Variants in CSDE1 observed in about 807,000 individuals in gnomAD.
CSDE1 encodes cold shock domain containing E1, also known as cold shock domain-containing protein E1.
CSDE1 carries 17 observed loss-of-function variants against 89.3 expected under a neutral mutation model. That is an observed-to-expected ratio of 0.19 (90% confidence interval 0.13 to 0.29). The LOEUF (loss-of-function observed/expected upper bound fraction) is 0.29. Ranked by LOEUF, CSDE1 falls within the 10% of genes least tolerant of loss-of-function variation. CSDE1 has a pLI of 1.00. For missense variants in CSDE1, 672 were observed against 984.2 expected (o/e 0.68, Z 4.24); for synonymous variants, 322 against 332.8 (o/e 0.97, Z 0.35).
chr1:114,730,672 C>A lies in CSDE1; in HGVS notation c.1051-24G>T, dbSNP rs754562922. Reference sequence around the variant, plus strand: ...CCCTGAAACCCAAATAATATTTTCACTGGCTGTGAAACTTGTCAAGAAGGC... The same window carrying A: ...CCCTGAAACCCAAATAATATTTTCAATGGCTGTGAAACTTGTCAAGAAGGC... On this transcript the variant is annotated intron_variant, in intron 10 of 19. Transcript: ENST00000358528. The A allele has an allele frequency of 3.1e-6, 5 of 1,610,322 alleles. No homozygotes were observed. In the African/African-American group the frequency reaches 6.7e-5, roughly 22 times the overall value.
intron 16 of CSDE1, among the ~76,000 whole-genome samples, chr1:114,723,481 AG>A (rs987473496): frequency 2.0e-5 from 3 of 152,298 alleles, no homozygotes; most frequent in South Asian, 4.1e-4. Context: ...TGTGTAGTGT[AG>A]GGGGGAAAAA....
chr1:114,724,082 G>C (rs1440319562), intron 15 of CSDE1, 80 bp from the exon 16 acceptor site: 2 of 1,483,556 alleles, frequency 1.3e-6, no homozygotes, highest in Non-Finnish European at 1.8e-6. Flanking sequence ...AAAAATAACA[G>C]CACAAATGTT....
intron 1 of CSDE1, among the ~76,000 whole-genome samples, chr1:114,755,680 A>C (rs1661557885): frequency 6.6e-6 from 1 of 152,252 alleles, no homozygotes; most frequent in Admixed American, 6.5e-5. Context: ...TAAAGCTTAC[A>C]AAATAGATCT....
intron 1 of CSDE1, among the ~76,000 whole-genome samples, chr1:114,756,358 G>A (rs1661596523): frequency 6.6e-6 from 1 of 152,058 alleles, no homozygotes; most frequent in South Asian, 2.1e-4. Context: ...ATTTATCTAA[G>A]TTTTATGACT....
chr1:114,736,661 G>C lies in CSDE1; in HGVS notation c.500+97C>G, dbSNP rs973681309. 11 of 696,150 alleles carry C rather than the reference G, an allele frequency of 1.6e-5. No homozygotes were observed. In the African/African-American group the frequency reaches 1.6e-4, roughly 10 times the overall value. The allele number at this position is 696,150 out of a possible 1,614,324, so 43.1% of individuals were successfully genotyped here. ...ATTGAAAGTTCATGAAAACTATCCA[G>C]ACTTACAAGTTAGGTTTTTAACTCT... On this transcript the variant is annotated intron_variant, in intron 6 of 19. Coordinates refer to ENST00000358528, the MANE Select transcript of CSDE1 (RefSeq NM_001007553.3).
At chr1:114,740,648 T>A (rs77021112) in intron 2 of CSDE1, among the ~76,000 whole-genome samples, 3 of 152,206 alleles carry the variant, frequency 2.0e-5, no homozygotes, top group Non-Finnish European at 4.4e-5. Flanking sequence ...TTTAGTGAAA[T>A]AGGAGCTATT....
At chr1:114,740,529 A>T (rs1660668807) in intron 2 of CSDE1, among the ~76,000 whole-genome samples, 1 of 152,258 alleles carries the variant, frequency 6.6e-6, no homozygotes, top group African/African-American at 2.4e-5. Context: ...TTTCCATTTT[A>T]AAAATGCTGA....
intron 12 of CSDE1, 23 bp from the exon 13 acceptor site, chr1:114,727,113 AGAAT>A: frequency 6.6e-7 from 1 of 1,517,924 alleles, no homozygotes; most frequent in Non-Finnish European, 9.1e-7. Context: ...AGTCAAAAAC[AGAAT>A]GAAAACAATC....
chr1:114,742,753 T>C (rs921425372), intron 2 of CSDE1, among the ~76,000 whole-genome samples: 2 of 152,184 alleles, frequency 1.3e-5, no homozygotes, highest in African/African-American at 4.8e-5. Flanking sequence ...ATGGTAAGTA[T>C]GCCAAACAGT....
intron 1 of CSDE1, among the ~76,000 whole-genome samples, chr1:114,755,154 A>G (rs1661522825): frequency 6.6e-6 from 1 of 152,206 alleles, no homozygotes; most frequent in African/African-American, 2.4e-5. Flanking sequence ...ATCACAGCAC[A>G]TTTCAATTCA....
At chr1:114,749,357 T>C (rs4140445) in intron 2 of CSDE1, among the ~76,000 whole-genome samples, 116,315 of 152,178 alleles carry the variant, frequency 0.76, 46,025 homozygotes, top group East Asian at 1. Flanking sequence ...GTCAACCATT[T>C]ACAAATGTGC....
At chr1:114,732,455 C>A (rs991475207) in intron 10 of CSDE1, 149 bp downstream of exon 10, 3 of 721,794 alleles carry the variant, frequency 4.2e-6, no homozygotes, top group Non-Finnish European at 6.8e-6. Context: ...CAGACTGACT[C>A]AAATGTGTAT....
chr1:114,756,074 G>A (rs1016001777), intron 1 of CSDE1, among the ~76,000 whole-genome samples: 19 of 152,186 alleles, frequency 1.2e-4, no homozygotes, highest in Non-Finnish European at 2.2e-4. Context: ...AGGGTAGAGG[G>A]TAAAGCCAGA....
At position 114,737,978 on chromosome 1, in the gene CSDE1, T is replaced by C. The variant is rs1050497002; in HGVS notation, c.294A>G (p.Glu98=). Residue 98 remains glutamate, a synonymous_variant, in exon 4 of 20, where the codon GAA becomes GAG. Transcript: ENST00000358528. ...AGTCACTAACTTGTCCATTCATTCG[T>C]TCTTCAGGGAGGATTTCTTGTTTTA... is the stretch of plus-strand genomic sequence containing the variant. ...VKIKQEILPE[E]RMNGQVVCAV... is the part of the protein sequence containing the mutation. The C allele has an allele frequency of 6.8e-6, 11 of 1,612,730 alleles. No homozygotes were observed. The East Asian group carries it at 1.1e-4, about 16-fold the overall frequency.
At chr1:114,733,619 T>C (rs1660227678) in intron 9 of CSDE1, 113 bp downstream of exon 9, 12 of 853,924 alleles carry the variant, frequency 1.4e-5, no homozygotes, top group Non-Finnish European at 1.9e-5. Context: ...AGGTCCTTAG[T>C]TGTTCCACTA....
chr1:114,738,322 T>C (rs1660520497), intron 3 of CSDE1, among the ~76,000 whole-genome samples: 1 of 152,192 alleles, frequency 6.6e-6, no homozygotes, highest in African/African-American at 2.4e-5. Flanking sequence ...TTCCACTAAT[T>C]CTGATACACA....
At chr1:114,720,369 T>G in intron 17 of CSDE1, 170 bp downstream of exon 17, 4 of 601,948 alleles carry the variant, frequency 6.6e-6, no homozygotes, top group Non-Finnish European at 1.1e-5. Flanking sequence ...AGTCACTTTT[T>G]GTGTAGTTTT....
At chr1:114,735,124 T>C (rs114144159) in intron 6 of CSDE1, among the ~76,000 whole-genome samples, 1,941 of 152,304 alleles carry the variant, frequency 0.013, 24 homozygotes, top group Non-Finnish European at 0.021. Flanking sequence ...TCCACCTCCA[T>C]TGGAGAATGG....
At chr1:114,734,230 T>C in intron 7 of CSDE1, 113 bp from the exon 8 acceptor site, 1 of 1,286,468 alleles carries the variant, frequency 7.8e-7, no homozygotes, top group South Asian at 1.4e-5. Flanking sequence ...TAATATAATT[T>C]GGTACAACCT....
Sources: allele counts gnomAD v4.1 joint callset (sites outside exome capture counted in the v4.1 genomes callset), GRCh38; gene constraint gnomAD v4.1.1; transcripts MANE v1.5; gene names NCBI Gene and HGNC (gene_info 2026-07-23, HGNC 2026-07-21).